CDH20: variants seen among roughly 807,000 people sequenced by gnomAD.
The protein encoded by CDH20 is cadherin-20.
Under a neutral mutation model 74.2 loss-of-function variants are expected in CDH20, and 29 were observed. The ratio of observed to expected loss-of-function variants is 0.39; its 90% CI spans 0.29 to 0.53. CDH20 has a LOEUF of 0.53. Ranked by LOEUF, CDH20 falls within the 20% of genes least tolerant of loss-of-function variation. The pLI is 0.69. For missense variants in CDH20, 988 were observed against 1,048.3 expected (o/e 0.94, Z 0.79); for synonymous variants, 469 against 405.4 (o/e 1.16, Z -1.88).
intron 1 of CDH20, among the ~76,000 whole-genome samples, chr18:61,484,473 AAGAAAGAC>A (rs935852716): frequency 3.6e-4 from 54 of 151,532 alleles, no homozygotes; most frequent in African/African-American, 1.3e-3. Flanking sequence ...CGGATACGGA[AAGAAAGAC>A]AGGGCACCCT....
At position 61,490,631 on chromosome 18, in the gene CDH20, G is replaced by C; in HGVS notation, c.78G>C (p.Met26Ile). Residue 26 changes from methionine (M) to isoleucine (I), a missense_variant, in exon 2 of 12, where the codon ATG becomes ATC. Around this residue, in one of 2 missense-constraint regions of CDH20, gnomAD observed 613 missense variants for 755.2 expected, o/e 0.81. Transcript: ENST00000262717. ...TGTCCTTGTACTTCTGGGGGCTGATGGACCTTACGACCACCGTTCTCTCGG... is the reference window on the plus strand; with the variant it reads ...TGTCCTTGTACTTCTGGGGGCTGATCGACCTTACGACCACCGTTCTCTCGG... ...LGMSLYFWGL[M>I]DLTTTVLSDT... is the part of the protein sequence containing the mutation. 1 of 1,613,970 alleles carries C rather than the reference G, an allele frequency of 6.2e-7. No homozygotes were observed. The highest frequency in any genetic ancestry group is 8.5e-7 in the Non-Finnish European group (1 of 1,180,002).
chr18:61,525,925 G>A (rs1029650691), intron 6 of CDH20, among the ~76,000 whole-genome samples: 1 of 147,948 alleles, frequency 6.8e-6, no homozygotes, highest in African/African-American at 2.5e-5. Context: ...TGCCTCCCAA[G>A]TAGCTGGGAT....
At chr18:61,347,533 A>C (rs1910168758) in intron 1 of CDH20, among the ~76,000 whole-genome samples, 1 of 148,904 alleles carries the variant, frequency 6.7e-6, no homozygotes, top group Non-Finnish European at 1.5e-5. Flanking sequence ...GAAAAAAACA[A>C]ACAAACAAAA....
At chr18:61,440,733 T>C (rs554146813) in intron 1 of CDH20, among the ~76,000 whole-genome samples, 1 of 152,130 alleles carries the variant, frequency 6.6e-6, no homozygotes, top group Non-Finnish European at 1.5e-5. Flanking sequence ...CCACATGGTC[T>C]CTCCCCTTCA....
intron 5 of CDH20, among the ~76,000 whole-genome samples, chr18:61,506,291 T>C (rs1266151114): frequency 1.3e-5 from 2 of 152,208 alleles, no homozygotes; most frequent in Non-Finnish European, 1.5e-5. Flanking sequence ...AAAGAGATCA[T>C]GAAATCCAAT....
intron 1 of CDH20, among the ~76,000 whole-genome samples, chr18:61,459,876 G>A (rs78125349): frequency 0.022 from 3,305 of 152,266 alleles, 53 homozygotes; most frequent in African/African-American, 0.049. Flanking sequence ...ACAACTGAGA[G>A]TGAAAGGCTG....
chr18:61,361,220 G>A lies in CDH20; in HGVS notation c.-153+27393G>A, dbSNP rs568756232. On this transcript the variant is annotated intron_variant, in intron 1 of 11. Coordinates refer to ENST00000262717, the MANE Select transcript of CDH20 (RefSeq NM_031891.4). ...TCGCTGCGTGGTGGTAACAGAGCTAGGGGGAAGGAGGTAAACAGATGAACT... is the reference window on the plus strand; with the variant it reads ...TCGCTGCGTGGTGGTAACAGAGCTAAGGGGAAGGAGGTAAACAGATGAACT... 2.6e-5 allele frequency among the ~76,000 whole-genome samples: 4 copies of A among 152,264 alleles called. No homozygotes were observed. In the South Asian group the frequency reaches 6.2e-4, roughly 24 times the overall value.
At chr18:61,410,124 C>T (rs1251261136) in intron 1 of CDH20, among the ~76,000 whole-genome samples, 1 of 152,168 alleles carries the variant, frequency 6.6e-6, no homozygotes, top group Non-Finnish European at 1.5e-5. Context: ...GCAGGGAGCT[C>T]CTTAGTTTTT....
chr18:61,356,399 A>G (rs1483538402), intron 1 of CDH20, among the ~76,000 whole-genome samples: 1 of 152,198 alleles, frequency 6.6e-6, no homozygotes, highest in Non-Finnish European at 1.5e-5. Context: ...AGGCATTTGT[A>G]ATTAAGTACT....
intron 1 of CDH20, among the ~76,000 whole-genome samples, chr18:61,373,109 T>G (rs1378220326): frequency 6.6e-6 from 1 of 152,066 alleles, no homozygotes; most frequent in African/African-American, 2.4e-5. Flanking sequence ...GCCTTTCGTT[T>G]TTCTTATGCA....
chr18:61,526,327 T>A (rs985395193), intron 6 of CDH20, among the ~76,000 whole-genome samples: 3 of 151,926 alleles, frequency 2.0e-5, no homozygotes, highest in African/African-American at 7.3e-5. Flanking sequence ...CGATTTTTTT[T>A]AAGTAAGAAA....
At chr18:61,376,838 T>C (rs1025741046) in intron 1 of CDH20, among the ~76,000 whole-genome samples, 1 of 152,058 alleles carries the variant, frequency 6.6e-6, no homozygotes, top group African/African-American at 2.4e-5. Context: ...AGGGAGATAA[T>C]GGCTAGGAAT....
chr18:61,368,247 A>G (rs1358767795), intron 1 of CDH20, among the ~76,000 whole-genome samples: 2 of 152,046 alleles, frequency 1.3e-5, no homozygotes, highest in African/African-American at 4.8e-5. Context: ...ACATATTCAC[A>G]GGTTCTGGGA....
At chr18:61,389,253 G>A (rs1024637509) in intron 1 of CDH20, among the ~76,000 whole-genome samples, 5 of 152,122 alleles carry the variant, frequency 3.3e-5, no homozygotes, top group African/African-American at 1.2e-4. Flanking sequence ...ATCCCAATTG[G>A]CTCATTTTAC....
At chr18:61,342,281 A>G (rs1452659943) in intron 1 of CDH20, among the ~76,000 whole-genome samples, 1 of 152,338 alleles carries the variant, frequency 6.6e-6, no homozygotes, top group South Asian at 2.1e-4. Flanking sequence ...TTATTTAGCC[A>G]TACCTCTCTG....
Position 61,522,221 on chromosome 18 carries a change from T to C in CDH20, c.1018-5746T>C, listed in dbSNP as rs561136199. ...AAGCTGATAAGCAACTATAGCAAAG[T>C]CTCAGGATACAAAATCAATGTGCAA... On this transcript the variant is annotated intron_variant, in intron 6 of 11. Coordinates refer to ENST00000262717, the MANE Select transcript of CDH20 (RefSeq NM_031891.4). 3.3e-5 allele frequency among the ~76,000 whole-genome samples: 5 copies of C among 152,252 alleles called. No homozygotes were observed. The East Asian group carries it at 9.6e-4, about 29-fold the overall frequency.
intron 1 of CDH20, among the ~76,000 whole-genome samples, chr18:61,454,406 C>A (rs1274296424): frequency 6.6e-6 from 1 of 152,096 alleles, no homozygotes; most frequent in Non-Finnish European, 1.5e-5. Context: ...ATTTGGTCAG[C>A]CTTCCAGGAC....
At chr18:61,523,774 A>G (rs908704708) in intron 6 of CDH20, among the ~76,000 whole-genome samples, 1 of 152,182 alleles carries the variant, frequency 6.6e-6, no homozygotes, top group African/African-American at 2.4e-5. Context: ...TTTCAGGGAC[A>G]TGGATGAAAC....
intron 1 of CDH20, among the ~76,000 whole-genome samples, chr18:61,428,661 A>G (rs1382472872): frequency 1.3e-5 from 2 of 152,136 alleles, no homozygotes; most frequent in Admixed American, 1.3e-4. Context: ...TATAAAACTC[A>G]AGTTTCAGTT....
Sources: gnomAD v4.1 joint callset for allele counts (sites outside exome capture counted in the v4.1 genomes callset) on GRCh38, gnomAD v4.1.1 for gene constraint, gnomAD v4.1.1 regional missense constraint, MANE v1.5 for transcripts, NCBI Gene and HGNC (gene_info 2026-07-23, HGNC 2026-07-21) for gene names.